Variants in MMP16 observed in about 807,000 individuals in gnomAD.
MMP16 encodes the protein matrix metallopeptidase 16, also known as matrix metalloproteinase-16.
Under a neutral mutation model 67.8 loss-of-function variants are expected in MMP16, and 12 were observed. The ratio of observed to expected loss-of-function variants is 0.18; its 90% CI spans 0.11 to 0.29. The LOEUF is 0.29. MMP16 is among the 10% of genes least tolerant of loss of function. The pLI, the probability that MMP16 is intolerant of heterozygous loss-of-function variation, is 1.00. For synonymous variants in MMP16, 249 were observed against 255.9 expected (o/e 0.97, Z 0.26); for missense variants, 475 against 765.7 (o/e 0.62, Z 4.48).
rs1243535319 is a variant in MMP16, at chr8:88,032,602, A to G, written c.*8859T>C. ...AAAAAATTAATTTAAGCACCACAAAATTTTGCCTGATTTTATCTGACAGTC... is the reference window on the plus strand; with the variant it reads ...AAAAAATTAATTTAAGCACCACAAAGTTTTGCCTGATTTTATCTGACAGTC... On this transcript the variant is annotated 3_prime_UTR_variant, in exon 10 of 10. Transcript: ENST00000286614. The G allele has an allele frequency of 6.6e-6, 1 of 151,966 alleles. No individual in the cohort carries two copies. Among genetic ancestry groups the G allele is most frequent in the Non-Finnish European group, 1.5e-5 (1 of 67,984 alleles). The allele number at this position is 151,966 out of a possible 1,614,324, so 9.4% of individuals were successfully genotyped here. A position where few individuals can be genotyped will look rare whatever the true frequency, so the allele number is the denominator to read the frequency against.
At chr8:88,253,617 A>T (rs1482166229) in intron 1 of MMP16, among the ~76,000 whole-genome samples, 1 of 152,094 alleles carries the variant, frequency 6.6e-6, no homozygotes, top group Non-Finnish European at 1.5e-5. Flanking sequence ...AGCTTGAGTT[A>T]ATCATTTTAC....
intron 1 of MMP16, among the ~76,000 whole-genome samples, chr8:88,265,189 A>T (rs1810454870): frequency 6.7e-6 from 1 of 150,326 alleles, no homozygotes; most frequent in African/African-American, 2.4e-5. Flanking sequence ...CTCAGCCCTC[A>T]AGTAGACAAA....
At chr8:88,107,695 T>G (rs1180614983) in intron 6 of MMP16, among the ~76,000 whole-genome samples, 1 of 151,154 alleles carries the variant, frequency 6.6e-6, no homozygotes, top group Non-Finnish European at 1.5e-5. Flanking sequence ...TGCACATTTC[T>G]TTACAAGTGT....
At chr8:88,092,576 G>A (rs1489223351) in intron 6 of MMP16, among the ~76,000 whole-genome samples, 3 of 151,614 alleles carry the variant, frequency 2.0e-5, no homozygotes, top group Non-Finnish European at 4.4e-5. Context: ...TGCTCATTGT[G>A]GTATTCCCTG....
At chr8:88,080,542 T>G (rs1463802151) in intron 6 of MMP16, among the ~76,000 whole-genome samples, 1 of 152,058 alleles carries the variant, frequency 6.6e-6, no homozygotes, top group Non-Finnish European at 1.5e-5. Flanking sequence ...TTCAAGCAAT[T>G]TTCCTGAGTC....
At chr8:88,182,332 C>T (rs1808993879) in intron 3 of MMP16, among the ~76,000 whole-genome samples, 1 of 152,050 alleles carries the variant, frequency 6.6e-6, no homozygotes, top group South Asian at 2.1e-4. Flanking sequence ...TCTCAACAGA[C>T]ACCTCGCCAA....
chr8:88,210,299 G>A (rs190013853), intron 1 of MMP16, among the ~76,000 whole-genome samples: 1 of 152,236 alleles, frequency 6.6e-6, no homozygotes, highest in East Asian at 1.9e-4. Context: ...ATCACTACAT[G>A]GTTGCTTTGT....
At chr8:88,107,022 T>A (rs1299425003) in intron 6 of MMP16, among the ~76,000 whole-genome samples, 1 of 151,150 alleles carries the variant, frequency 6.6e-6, no homozygotes, top group Non-Finnish European at 1.5e-5. Context: ...ATTTTGCAAG[T>A]TTTCTTCTAG....
At chr8:88,215,284 C>T (rs550028205) in intron 1 of MMP16, among the ~76,000 whole-genome samples, 3 of 151,548 alleles carry the variant, frequency 2.0e-5, no homozygotes, top group East Asian at 2.0e-4. Flanking sequence ...GAGCTGAGAT[C>T]GCACTCCAGC....
In MMP16 at chr8:88,061,907, CT is replaced by C. The variant is rs1223519352; in HGVS notation, c.1223-5630del. Among the ~76,000 whole-genome samples, 17 of 150,742 alleles carry C rather than the reference CT, an allele frequency of 1.1e-4. No homozygotes were observed. In the East Asian group the frequency reaches 2.7e-3, roughly 24 times the overall value. ...AATCAGCTTTTTTTTTTTTCTTAAC[CT>C]GCTAGGAAAAATGTACTTATATTCC... On this transcript the variant is annotated intron_variant, in intron 7 of 9. Transcript: ENST00000286614.
At chr8:88,291,604 G>T (rs1281249989) in intron 1 of MMP16, among the ~76,000 whole-genome samples, 1 of 152,174 alleles carries the variant, frequency 6.6e-6, no homozygotes, top group Non-Finnish European at 1.5e-5. Context: ...CACATTTTCA[G>T]TAGAGGCAAA....
At chr8:88,157,526 A>G (rs1235369936) in intron 4 of MMP16, among the ~76,000 whole-genome samples, 1 of 151,928 alleles carries the variant, frequency 6.6e-6, no homozygotes, top group East Asian at 1.9e-4. Context: ...GCAACTTCCG[A>G]AGTCATGTGT....
At chr8:88,201,653 C>T (rs1563560785) in intron 1 of MMP16, among the ~76,000 whole-genome samples, 1 of 152,070 alleles carries the variant, frequency 6.6e-6, no homozygotes, top group Non-Finnish European at 1.5e-5. Flanking sequence ...CTGACTTTCT[C>T]AGATGAAATT....
Position 88,131,475 on chromosome 8 carries a change from C to T in MMP16, c.710-12614G>A, listed in dbSNP as rs181501048. Among the ~76,000 whole-genome samples, 11 of 151,720 alleles carry T rather than the reference C, an allele frequency of 7.3e-5. No individual in the cohort carries two copies. The East Asian group carries it at 2.1e-3, about 30-fold the overall frequency. ...TAACATACAGCAAGAATATATTGTCCACTGTATGCCCAACCAGAAACACAC... is the reference window on the plus strand; with the variant it reads ...TAACATACAGCAAGAATATATTGTCTACTGTATGCCCAACCAGAAACACAC... On this transcript the variant is annotated intron_variant, in intron 4 of 9. Coordinates refer to ENST00000286614, the MANE Select transcript of MMP16 (RefSeq NM_005941.5).
chr8:88,157,122 G>C (rs1808522704), intron 4 of MMP16, among the ~76,000 whole-genome samples: 1 of 152,026 alleles, frequency 6.6e-6, no homozygotes, highest in Non-Finnish European at 1.5e-5. Flanking sequence ...AGAATAGTTG[G>C]CCCTCCCTAT....
At chr8:88,241,721 T>C (rs1810036736) in intron 1 of MMP16, among the ~76,000 whole-genome samples, 2 of 152,056 alleles carry the variant, frequency 1.3e-5, no homozygotes, top group African/African-American at 4.8e-5. Context: ...TTCCTTTTAA[T>C]TGACAAATAA....
chr8:88,198,540 T>A (rs939939652), intron 1 of MMP16, among the ~76,000 whole-genome samples: 10 of 152,092 alleles, frequency 6.6e-5, no homozygotes, highest in Admixed American at 5.9e-4. Flanking sequence ...GGAGACATAT[T>A]TTCCCAGTGA....
At chr8:88,212,923 G>A (rs1342280498) in intron 1 of MMP16, among the ~76,000 whole-genome samples, 1 of 152,030 alleles carries the variant, frequency 6.6e-6, no homozygotes, top group African/African-American at 2.4e-5. Context: ...TACCTCCTGG[G>A]GAATGAACTT....
In MMP16 at chr8:88,058,685, CATAAAGA is replaced by C. The variant is rs1263155518; in HGVS notation, c.1223-2414_1223-2408del. Among the ~76,000 whole-genome samples the C allele has an allele frequency of 6.6e-6, 1 of 151,980 alleles. No homozygotes were observed. The highest frequency in any genetic ancestry group is 1.5e-5 in the Non-Finnish European group (1 of 67,946). Reference sequence around the variant, plus strand: ...TGAAGATTGTTTGAGGTAAAAGAAACATAAAGAATAAATGCCATAATGGGAAGAAGCT... The same window carrying C: ...TGAAGATTGTTTGAGGTAAAAGAAACATAAATGCCATAATGGGAAGAAGCT... On this transcript the variant is annotated intron_variant, in intron 7 of 9. Transcript: ENST00000286614. This position sits in a 1 kb window ranked among gnomAD's most constrained non-coding sequence, Gnocchi z 4.2.
Sources: allele counts gnomAD v4.1 joint callset (sites outside exome capture counted in the v4.1 genomes callset), GRCh38; gene constraint gnomAD v4.1.1; non-coding constraint Gnocchi (gnomAD v3.1); transcripts MANE v1.5; gene names NCBI Gene and HGNC (gene_info 2026-07-23, HGNC 2026-07-21).